The following GALNT18 variants were observed in gnomAD, a reference collection of about 807,000 sequenced individuals.
The protein encoded by GALNT18 is polypeptide N-acetylgalactosaminyltransferase 18.
Under a neutral mutation model 69.5 loss-of-function variants are expected in GALNT18, and 44 were observed. The observed-to-expected ratio is 0.63, with a 90% CI of 0.50 to 0.81. The LOEUF is 0.81. GALNT18 is among the 40% of genes least tolerant of loss of function. The pLI is 0.00. For synonymous variants in GALNT18, 364 were observed against 318.2 expected, an observed-to-expected ratio of 1.14 and a Z score of -1.53; for missense variants, 715 against 810.0, an observed-to-expected ratio of 0.88 and a Z score of 1.42.
intron 1 of GALNT18, among the ~76,000 whole-genome samples, chr11:11,493,748 T>C (rs1294631207): frequency 2.1e-5 from 2 of 93,818 alleles, no homozygotes; most frequent in Non-Finnish European, 5.1e-5. Flanking sequence ...TGGAAAGTCG[T>C]GTTTCTGCTC....
At chr11:11,424,785 T>C (rs1164164976) in intron 3 of GALNT18, among the ~76,000 whole-genome samples, 2 of 152,132 alleles carry the variant, frequency 1.3e-5, no homozygotes, top group Non-Finnish European at 2.9e-5. Flanking sequence ...GAGGAGTTTC[T>C]GGAAACAGTG....
intron 3 of GALNT18, among the ~76,000 whole-genome samples, chr11:11,414,942 C>T (rs1379815157): frequency 6.6e-6 from 1 of 152,220 alleles, no homozygotes. Flanking sequence ...CACTGTAGTT[C>T]TCAACTGGGG....
intron 1 of GALNT18, among the ~76,000 whole-genome samples, chr11:11,539,846 G>C (rs1024745152): frequency 6.6e-6 from 1 of 152,164 alleles, no homozygotes; most frequent in Non-Finnish European, 1.5e-5. Context: ...AAAGCAGATC[G>C]ATCAGAAATA....
chr11:11,508,596 C>T (rs568437015), intron 1 of GALNT18, among the ~76,000 whole-genome samples: 5 of 152,306 alleles, frequency 3.3e-5, no homozygotes, highest in African/African-American at 1.2e-4. Context: ...GTTTTTTAGT[C>T]GCTGCAATTA....
intron 10 of GALNT18, among the ~76,000 whole-genome samples, chr11:11,272,101 T>A (rs562516064): frequency 1.3e-5 from 2 of 152,102 alleles, no homozygotes; most frequent in Non-Finnish European, 2.9e-5. Flanking sequence ...TGGGTGGAGG[T>A]TCTTATAATT....
chr11:11,458,905 A>C (rs1281730190), intron 1 of GALNT18, among the ~76,000 whole-genome samples: 1 of 152,198 alleles, frequency 6.6e-6, no homozygotes, highest in African/African-American at 2.4e-5. Context: ...GCCTTGGCCT[A>C]ACCTCATCTC....
At chr11:11,440,496 A>G (rs1855511164) in intron 2 of GALNT18, among the ~76,000 whole-genome samples, 1 of 152,178 alleles carries the variant, frequency 6.6e-6, no homozygotes, top group Non-Finnish European at 1.5e-5. Flanking sequence ...AGGGCAAGGG[A>G]AGGCGGATTC....
At chr11:11,426,931 A>G (rs1366802906) in intron 3 of GALNT18, among the ~76,000 whole-genome samples, 2 of 152,236 alleles carry the variant, frequency 1.3e-5, no homozygotes, top group Non-Finnish European at 2.9e-5. Flanking sequence ...ATGAATCTCC[A>G]TATTATTCAA....
At chr11:11,460,450 C>A (rs1050904124) in intron 1 of GALNT18, among the ~76,000 whole-genome samples, 1 of 152,216 alleles carries the variant, frequency 6.6e-6, no homozygotes, top group Non-Finnish European at 1.5e-5. Context: ...TGTGAACACA[C>A]CCCGTACAAT....
At chr11:11,431,577 C>T (rs1001319705) in intron 3 of GALNT18, among the ~76,000 whole-genome samples, 1 of 152,190 alleles carries the variant, frequency 6.6e-6, no homozygotes, top group African/African-American at 2.4e-5. Context: ...AATCCCCTTA[C>T]AGCACTGCTC....
At chr11:11,391,407 C>T (rs552851213) in intron 3 of GALNT18, among the ~76,000 whole-genome samples, 1 of 152,332 alleles carries the variant, frequency 6.6e-6, no homozygotes, top group East Asian at 1.9e-4. Flanking sequence ...GTAGAGTCCA[C>T]ATTCTAAGTT....
intron 3 of GALNT18, among the ~76,000 whole-genome samples, chr11:11,392,065 T>C (rs947317327): frequency 1.3e-5 from 2 of 152,252 alleles, no homozygotes; most frequent in African/African-American, 2.4e-5. Flanking sequence ...ACTTTAGTAC[T>C]GTTTTTCTTT....
At chr11:11,409,488 C>G (rs774785829) in intron 3 of GALNT18, among the ~76,000 whole-genome samples, 1 of 152,146 alleles carries the variant, frequency 6.6e-6, no homozygotes, top group African/African-American at 2.4e-5. Flanking sequence ...ATCTTCACCA[C>G]AAGCCAGCCT....
rs140103358 is a variant in GALNT18 at position 11,383,619 on chromosome 11, C to CCATTCATT, written c.596-4363_596-4356dup. Among the ~76,000 whole-genome samples the CCATTCATT allele has an allele frequency of 1.3e-5, 2 of 152,020 alleles. No individual in the cohort carries two copies. The highest frequency in any genetic ancestry group is 2.9e-5 in the Non-Finnish European group (2 of 68,018). ...ACATAGAAATGAAGTGAGAGTTCAC[C>CCATTCATT]CATTCATTCATTCATTCATTCAACA... is the stretch of plus-strand genomic sequence containing the variant. On this transcript the variant is annotated intron_variant, in intron 3 of 10. Transcript: ENST00000227756. The surrounding 1 kb of genome is among the most constrained non-coding windows in gnomAD (Gnocchi z 5.2).
intron 10 of GALNT18, among the ~76,000 whole-genome samples, chr11:11,278,826 A>G (rs1178723120): frequency 1.3e-5 from 2 of 152,242 alleles, no homozygotes; most frequent in Non-Finnish European, 2.9e-5. Context: ...AATTTATTGT[A>G]TACTTTAAAA....
rs367618509 is a variant in GALNT18 at position 11,570,091 on chromosome 11, G to A, written c.235+51268C>T. ...GCCAGGCTGGGAGTGTCCAGAAGGCGGAGCCCCGGACTGGCTGGAAAAGAG... is the reference window on the plus strand; with the variant it reads ...GCCAGGCTGGGAGTGTCCAGAAGGCAGAGCCCCGGACTGGCTGGAAAAGAG... On this transcript the variant is annotated intron_variant, in intron 1 of 10. Transcript: ENST00000227756. 7 of 152,334 alleles carry A rather than the reference G, an allele frequency of 4.6e-5. No individual in the cohort carries two copies. The East Asian group carries it at 5.8e-4, about 13-fold the overall frequency. The allele number at this position is 152,334 out of a possible 1,614,324, so 9.4% of individuals were successfully genotyped here. A position where few individuals can be genotyped will look rare whatever the true frequency, so the allele number is the denominator to read the frequency against.
At chr11:11,296,390 C>A (rs1234153515) in intron 9 of GALNT18, among the ~76,000 whole-genome samples, 1 of 152,198 alleles carries the variant, frequency 6.6e-6, no homozygotes, top group South Asian at 2.1e-4. Context: ...AAAAGGTGCA[C>A]ACCTGTTTAT....
At chr11:11,484,689 T>C (rs1298242514) in intron 1 of GALNT18, among the ~76,000 whole-genome samples, 1 of 147,000 alleles carries the variant, frequency 6.8e-6, no homozygotes, top group African/African-American at 2.5e-5. Flanking sequence ...GGACACTAGA[T>C]GGAGCGTGCA....
At chr11:11,304,024 C>T (rs1314901362) in intron 9 of GALNT18, among the ~76,000 whole-genome samples, 1 of 152,190 alleles carries the variant, frequency 6.6e-6, no homozygotes, top group Non-Finnish European at 1.5e-5. Context: ...ACTCTGCCAC[C>T]CTGACCATCA....
Sources: gnomAD v4.1 joint callset for allele counts (sites outside exome capture counted in the v4.1 genomes callset) on GRCh38, gnomAD v4.1.1 for gene constraint, Gnocchi (gnomAD v3.1) non-coding constraint, MANE v1.5 for transcripts, NCBI Gene and HGNC (gene_info 2026-07-23, HGNC 2026-07-21) for gene names.